The following FAT3 variants were observed in gnomAD, a reference collection of about 807,000 sequenced individuals.
FAT3 encodes FAT atypical cadherin 3, also known as protocadherin Fat 3.
In FAT3, 95 loss-of-function variants were observed where a neutral mutation model predicts 310.2. The observed-to-expected ratio is 0.31, with a 90% CI of 0.26 to 0.36. The LOEUF (loss-of-function observed/expected upper bound fraction) is 0.36, where lower values mean the gene tolerates loss of function less well. Ranked by LOEUF, FAT3 falls within the 10% of genes least tolerant of loss-of-function variation. FAT3 has a pLI of 1.00. For synonymous variants in FAT3, 2,314 were observed against 2,192.9 expected (o/e 1.06, Z -1.54); for missense variants, 5,408 against 5,715.6 (o/e 0.95, Z 1.74).
chr11:92,294,950 C>A (rs899289845), intron 1 of FAT3, among the ~76,000 whole-genome samples: 2 of 152,038 alleles, frequency 1.3e-5, no homozygotes, highest in African/African-American at 2.4e-5. Flanking sequence ...CTGATGTATC[C>A]TAGTGCAGTT....
intron 3 of FAT3, among the ~76,000 whole-genome samples, chr11:92,662,422 C>A (rs1942817215): frequency 6.6e-6 from 1 of 152,100 alleles, no homozygotes; most frequent in South Asian, 2.1e-4. Flanking sequence ...CATGGAGTAA[C>A]TGTGTTAAAA....
intron 6 of FAT3, among the ~76,000 whole-genome samples, chr11:92,769,455 C>T (rs1946406360): frequency 6.6e-6 from 1 of 152,206 alleles, no homozygotes; most frequent in Admixed American, 6.5e-5. Context: ...GATTTACAGA[C>T]TCTCTAATGT....
intron 3 of FAT3, among the ~76,000 whole-genome samples, chr11:92,685,169 A>T (rs1943594958): frequency 6.6e-6 from 1 of 152,218 alleles, no homozygotes; most frequent in South Asian, 2.1e-4. Context: ...CTTACACATG[A>T]CAGATTCTTG....
Position 92,377,495 on chromosome 11 carries a change from A to G in FAT3, c.3292+22091A>G, listed in dbSNP as rs1367594298. Among the ~76,000 whole-genome samples the G allele has an allele frequency of 3.3e-5, 5 of 152,194 alleles. No individual in the cohort carries two copies. The East Asian group carries it at 9.6e-4, about 29-fold the overall frequency. ...AAGTTTTCTAGCTGATATTCCTACT[A>G]TAAGATATCTTACTGTCTGTTTCCA... On this transcript the variant is annotated intron_variant, in intron 2 of 27. Transcript: ENST00000525166.
chr11:92,844,797 TCC>T, intron 19 of FAT3, 65 bp downstream of exon 19: 1 of 1,414,314 alleles, frequency 7.1e-7, no homozygotes, highest in Non-Finnish European at 9.4e-7. Context: ...GAGTTACCAT[TCC>T]AGCATGCCTG....
intron 3 of FAT3, among the ~76,000 whole-genome samples, chr11:92,642,943 C>T (rs1565481405): frequency 6.6e-6 from 1 of 152,188 alleles, no homozygotes; most frequent in Non-Finnish European, 1.5e-5. Context: ...GGGCTTTGTC[C>T]ATGCCATCTC....
chr11:92,277,960 T>G (rs1187162), intron 1 of FAT3, among the ~76,000 whole-genome samples: 2 of 151,896 alleles, frequency 1.3e-5, no homozygotes, highest in Admixed American at 6.6e-5. Context: ...GGCACAAGCC[T>G]GTATTCCCAG....
intron 13 of FAT3, among the ~76,000 whole-genome samples, chr11:92,828,735 A>C (rs2136250502): frequency 6.6e-6 from 1 of 152,286 alleles, no homozygotes; most frequent in Non-Finnish European, 1.5e-5. Context: ...TGGCTGATTA[A>C]TGTCAGTCCT....
rs1285862656 is a variant in FAT3 at position 92,483,174 on chromosome 11, C to G, written c.3293-41460C>G. Among the ~76,000 whole-genome samples the G allele has an allele frequency of 2.0e-5, 3 of 152,118 alleles. No homozygotes were observed. The South Asian group carries it at 6.2e-4, about 32-fold the overall frequency. On this transcript the variant is annotated intron_variant, in intron 2 of 27. Transcript: ENST00000525166. The stretch of plus-strand genomic sequence containing the variant: ...GACAAGCTAAGTGAACTAGAGTGTA[C>G]AGGTAACACAGTATTTGCACAGGCC...
chr11:92,810,825 G>A (rs1298225492), intron 13 of FAT3, among the ~76,000 whole-genome samples: 1 of 152,016 alleles, frequency 6.6e-6, no homozygotes, highest in Admixed American at 6.6e-5. Context: ...ATACAAAAGG[G>A]CATATAGACA....
At chr11:92,316,888 C>A (rs917127956) in intron 1 of FAT3, among the ~76,000 whole-genome samples, 1 of 152,134 alleles carries the variant, frequency 6.6e-6, no homozygotes, top group Non-Finnish European at 1.5e-5. Context: ...TTGGAGCCAG[C>A]CTTTTTGGGA....
At chr11:92,414,809 G>C (rs1728788821) in intron 2 of FAT3, among the ~76,000 whole-genome samples, 1 of 152,100 alleles carries the variant, frequency 6.6e-6, no homozygotes, top group South Asian at 2.1e-4. Flanking sequence ...GGGAGATCGG[G>C]ATCATCCTGG....
chr11:92,521,439 T>G (rs914130474), intron 2 of FAT3, among the ~76,000 whole-genome samples: 2 of 152,090 alleles, frequency 1.3e-5, no homozygotes, highest in African/African-American at 2.4e-5. Flanking sequence ...ATCCCCTGCT[T>G]TAGGGTGTGA....
intron 2 of FAT3, among the ~76,000 whole-genome samples, chr11:92,478,277 C>A (rs1211967156): frequency 1.3e-5 from 2 of 152,188 alleles, no homozygotes; most frequent in Non-Finnish European, 2.9e-5. Flanking sequence ...CTACGGATGA[C>A]AACATCATTT....
chr11:92,786,684 GA>G lies in FAT3; in HGVS notation c.4336-3256del, dbSNP rs774898956. On this transcript the variant is annotated intron_variant, in intron 7 of 27. Coordinates refer to ENST00000525166, the MANE Select transcript of FAT3 (RefSeq NM_001367949.2). ...AAAATGATAAAACCTTTGAGTAGGG[GA>G]AATATGGAAACATATATAATAATAA... Among the ~76,000 whole-genome samples the G allele has an allele frequency of 5.3e-5, 8 of 152,182 alleles. No homozygotes were observed. The South Asian group carries it at 1.7e-3, about 32-fold the overall frequency.
chr11:92,475,051 GA>G (rs1952011410), intron 2 of FAT3, among the ~76,000 whole-genome samples: 1 of 152,096 alleles, frequency 6.6e-6, no homozygotes, highest in Admixed American at 6.5e-5. Flanking sequence ...TACCCACCTT[GA>G]CACAATGGCG....
At chr11:92,699,009 A>G (rs1206257276) in intron 4 of FAT3, among the ~76,000 whole-genome samples, 1 of 152,230 alleles carries the variant, frequency 6.6e-6, no homozygotes, top group Admixed American at 6.5e-5. Context: ...GGACGGATCT[A>G]TAGCAGAGCA....
At position 92,796,854 on chromosome 11, in the gene FAT3, G is replaced by A. The variant is rs181517336; in HGVS notation, c.4823-982G>A. On this transcript the variant is annotated intron_variant, in intron 9 of 27. Coordinates refer to ENST00000525166, the MANE Select transcript of FAT3 (RefSeq NM_001367949.2). ...CTCATTCTCAACAATCCCAGATTTC[G>A]AACCACAACATGTTTCTGAAGCAGA... is the stretch of plus-strand genomic sequence containing the variant. Among the ~76,000 whole-genome samples, 752 of 152,108 alleles carry A rather than the reference G, an allele frequency of 4.9e-3. 7 individuals are homozygous for A. The highest frequency in any genetic ancestry group is 0.017 in the African/African-American group (703 of 41,484).
intron 2 of FAT3, among the ~76,000 whole-genome samples, chr11:92,361,565 C>A (rs950948620): frequency 1.3e-5 from 2 of 152,174 alleles, no homozygotes; most frequent in African/African-American, 4.8e-5. Flanking sequence ...GAGGAGCAAG[C>A]CCTCTCCAAA....
Sources: gnomAD v4.1 joint callset for allele counts (sites outside exome capture counted in the v4.1 genomes callset) on GRCh38, gnomAD v4.1.1 for gene constraint, MANE v1.5 for transcripts, NCBI Gene and HGNC (gene_info 2026-07-23, HGNC 2026-07-21) for gene names.